RARB: variants seen among roughly 807,000 people sequenced by gnomAD.
RARB encodes the protein retinoic acid receptor beta.
In RARB, 17 loss-of-function variants were observed where a neutral mutation model predicts 51.9. That is an observed-to-expected ratio of 0.33 (90% CI 0.22 to 0.49). RARB has a LOEUF of 0.49. Among genes scored for constraint, RARB ranks in the 20% least tolerant of loss-of-function variants. The pLI is 0.99. For missense variants in RARB, 369 were observed against 550.8 expected, an observed-to-expected ratio of 0.67 and a Z score of 3.30; for synonymous variants, 215 against 195.4, an observed-to-expected ratio of 1.10 and a Z score of -0.84.
chr3:25,499,889 C>T (rs1470976750), intron 2 of RARB, among the ~76,000 whole-genome samples: 1 of 152,176 alleles, frequency 6.6e-6, no homozygotes, highest in Non-Finnish European at 1.5e-5. Flanking sequence ...TATTGTTCAT[C>T]TGGTCAGAAA....
At chr3:25,577,860 C>T (rs902445706) in intron 4 of RARB, among the ~76,000 whole-genome samples, 13 of 129,830 alleles carry the variant, frequency 1.0e-4, no homozygotes, top group Middle Eastern at 3.8e-3. Flanking sequence ...GCCATGGGCG[C>T]GACCCTCCAT....
chr3:25,249,229 T>G lies in RARB; in HGVS notation c.178+74654T>G, dbSNP rs1026734465. ...TGATCTAGTCTGTTATTAAAGCTTT[T>G]GAATGTATTTTGTATGGCATTTGGT... On this transcript the variant is annotated intron_variant, in intron 5 of 11. Transcript: ENST00000383772. 5.3e-5 allele frequency among the ~76,000 whole-genome samples: 8 copies of G among 152,176 alleles called. 1 individual carries two copies. Among genetic ancestry groups the G allele is most frequent in the Admixed American group, 4.6e-4 (7 of 15,284 alleles).
chr3:24,961,870 C>T (rs1289961103), intron 2 of RARB, among the ~76,000 whole-genome samples: 3 of 145,894 alleles, frequency 2.1e-5, no homozygotes, highest in Non-Finnish European at 1.5e-5. Flanking sequence ...CTTATAAGTG[C>T]GTACGTGAGA....
intron 5 of RARB, among the ~76,000 whole-genome samples, chr3:25,175,669 A>G (rs1294922888): frequency 6.6e-6 from 1 of 152,206 alleles, no homozygotes; most frequent in Non-Finnish European, 1.5e-5. Flanking sequence ...AGGCAAACAG[A>G]TGATAGACTT....
chr3:24,917,832 C>G (rs959475835), intron 2 of RARB, among the ~76,000 whole-genome samples: 1 of 152,286 alleles, frequency 6.6e-6, no homozygotes, highest in South Asian at 2.1e-4. Flanking sequence ...CAGCCCATGT[C>G]GTTAGTCTCT....
chr3:25,539,518 C>T (rs1357170883), intron 3 of RARB, among the ~76,000 whole-genome samples: 1 of 140,998 alleles, frequency 7.1e-6, no homozygotes, highest in African/African-American at 2.8e-5. Flanking sequence ...CACCTGGCCA[C>T]ACTCTCTCTC....
intron 5 of RARB, among the ~76,000 whole-genome samples, chr3:25,412,362 T>C (rs115347779): frequency 6.6e-6 from 1 of 152,186 alleles, no homozygotes; most frequent in East Asian, 1.9e-4. Flanking sequence ...ATATAGATAT[T>C]GGCATGCAGT....
At chr3:25,011,642 C>A (rs1290622613) in intron 2 of RARB, among the ~76,000 whole-genome samples, 5 of 152,036 alleles carry the variant, frequency 3.3e-5, no homozygotes, top group Non-Finnish European at 7.4e-5. Flanking sequence ...ACATTAAGAT[C>A]CAGGTCATTC....
chr3:24,899,588 C>T (rs931644771), intron 2 of RARB, among the ~76,000 whole-genome samples: 9 of 152,114 alleles, frequency 5.9e-5, no homozygotes, highest in Non-Finnish European at 1.3e-4. Context: ...TTTCTGTCGG[C>T]CAACAGCTGT....
chr3:25,596,281 C>T (rs1701823968), intron 7 of RARB, 139 bp from the exon 8 acceptor site: 1 of 641,760 alleles, frequency 1.6e-6, no homozygotes, highest in Admixed American at 3.0e-5. Context: ...CAAAAAGCCA[C>T]CTGATATCTA....
intron 2 of RARB, among the ~76,000 whole-genome samples, chr3:25,008,291 G>GT (rs1000692279): frequency 1.3e-5 from 2 of 152,094 alleles, no homozygotes; most frequent in Non-Finnish European, 2.9e-5. Context: ...CTTGAGAGTA[G>GT]AAGCCTGTCT....
At chr3:25,576,324 C>T (rs763733606) in intron 4 of RARB, among the ~76,000 whole-genome samples, 43 of 152,190 alleles carry the variant, frequency 2.8e-4, no homozygotes, top group Non-Finnish European at 5.3e-4. Flanking sequence ...TCGGCAGGGA[C>T]ACAGGGCAGG....
chr3:25,229,053 A>C (rs2125389108), intron 5 of RARB, among the ~76,000 whole-genome samples: 1 of 152,204 alleles, frequency 6.6e-6, no homozygotes, highest in Middle Eastern at 3.4e-3. Context: ...TAAGGGATCG[A>C]CTATTGTCTG....
At chr3:25,472,276 A>G (rs1216384330) in intron 2 of RARB, among the ~76,000 whole-genome samples, 1 of 152,152 alleles carries the variant, frequency 6.6e-6, no homozygotes, top group East Asian at 1.9e-4. Flanking sequence ...TCTTAGCATC[A>G]TCTTATTCTA....
At chr3:25,098,052 A>T (rs567327550) in intron 3 of RARB, among the ~76,000 whole-genome samples, 2 of 152,278 alleles carry the variant, frequency 1.3e-5, no homozygotes, top group Non-Finnish European at 2.9e-5. Flanking sequence ...TTTTTACTGA[A>T]ATATAATGTA....
chr3:25,426,308 G>A (rs1434045199), upstream of RARB, among the ~76,000 whole-genome samples: 20 of 152,304 alleles, frequency 1.3e-4, no homozygotes, highest in Admixed American at 1.1e-3. Flanking sequence ...GAAGAGAGGC[G>A]CAAAAATAAC....
intron 2 of RARB, among the ~76,000 whole-genome samples, chr3:24,961,831 T>A (rs1696145215): frequency 1.3e-5 from 2 of 151,788 alleles, no homozygotes; most frequent in Admixed American, 6.6e-5. Context: ...CTGTACATAA[T>A]GTCTATAAAA....
chr3:24,969,392 G>A (rs1421992631), intron 2 of RARB, among the ~76,000 whole-genome samples: 1 of 151,998 alleles, frequency 6.6e-6, no homozygotes, highest in African/African-American at 2.4e-5. Context: ...TGCTATTGTT[G>A]TTAAATAATA....
At position 24,907,336 on chromosome 3, in the gene RARB, C is replaced by T. The variant is rs140746768; in HGVS notation, c.-380+48584C>T. Among the ~76,000 whole-genome samples the T allele has an allele frequency of 3.5e-3, 537 of 152,180 alleles. 7 individuals are homozygous for T. Among genetic ancestry groups the T allele is most frequent in the Non-Finnish European group, 3.8e-4 (26 of 67,998 alleles). ...TGAAATCCTGCATTTTTGACAATTC[C>T]CTAAGTAATGCTGATGCCACTGGCC... On this transcript the variant is annotated intron_variant, in intron 2 of 11. Transcript: ENST00000383772.
Sources: gnomAD v4.1 joint callset for allele counts (sites outside exome capture counted in the v4.1 genomes callset) on GRCh38, gnomAD v4.1.1 for gene constraint, MANE v1.5 for transcripts, NCBI Gene and HGNC (gene_info 2026-07-23, HGNC 2026-07-21) for gene names.